Variants in EHBP1 observed in about 807,000 individuals in gnomAD.
EHBP1 encodes EH domain binding protein 1, also known as EH domain-binding protein 1.
A neutral mutation model predicts 144.0 loss-of-function variants in EHBP1; 55 were observed. The ratio of observed to expected loss-of-function variants is 0.38; its 90% CI spans 0.31 to 0.48. The LOEUF (loss-of-function observed/expected upper bound fraction) is 0.48, where lower values mean the gene tolerates loss of function less well. Ranked by LOEUF, EHBP1 falls within the 20% of genes least tolerant of loss-of-function variation. EHBP1 has a pLI of 0.98. For missense variants in EHBP1, 1,200 were observed against 1,364.2 expected (o/e 0.88, Z 1.90); for synonymous variants, 469 against 472.7 (o/e 0.99, Z 0.10).
chr2:62,744,195 A>G (rs532939424), intron 2 of EHBP1, among the ~76,000 whole-genome samples: 2 of 152,232 alleles, frequency 1.3e-5, no homozygotes, highest in African/African-American at 2.4e-5. Context: ...TGTATCATAT[A>G]TAGGGTTACC....
At chr2:63,023,354 G>A (rs2060838856) in intron 19 of EHBP1, among the ~76,000 whole-genome samples, 1 of 152,182 alleles carries the variant, frequency 6.6e-6, no homozygotes, top group Non-Finnish European at 1.5e-5. Flanking sequence ...TTTTACAGCT[G>A]TGTAGCTTTA....
rs562149683 is a variant in EHBP1, at chr2:63,037,413, C to T, written c.3104-122C>T. 6.7e-4 allele frequency: 405 copies of T among 602,644 alleles called. 1 individual carries two copies. The highest frequency in any genetic ancestry group is 2.8e-4 in the Non-Finnish European group (99 of 350,888). 37.3% of individuals were successfully genotyped at this position (602,644 alleles called of 1,614,324 possible). ...ACTTAGACTTTAACCTTCTTATAAG[C>T]AGTTTAATATATAGTATTAGAATAA... On this transcript the variant is annotated intron_variant, in intron 19 of 22. Coordinates refer to ENST00000431489, the MANE Select transcript of EHBP1 (RefSeq NM_001142616.3).
intron 19 of EHBP1, among the ~76,000 whole-genome samples, chr2:63,023,156 CAT>C (rs2153298366): frequency 6.6e-6 from 1 of 152,288 alleles, no homozygotes; most frequent in South Asian, 2.1e-4. Context: ...GCCTGGACAA[CAT>C]AGCAAGACTC....
chr2:62,725,507 C>T (rs1450978345), intron 2 of EHBP1, among the ~76,000 whole-genome samples: 1 of 152,182 alleles, frequency 6.6e-6, no homozygotes, highest in East Asian at 1.9e-4. Flanking sequence ...AGTCTGTGTG[C>T]ACTGTGTGCA....
chr2:62,948,276 C>G lies in EHBP1; in HGVS notation c.1430C>G (p.Ala477Gly). Residue 477 changes from alanine to glycine, a missense_variant, in exon 13 of 23, where the codon GCC becomes GGC. Physicochemically the swap from Ala to Gly is moderately conservative, Grantham distance 60. Around this residue, in one of 6 missense-constraint regions of EHBP1, gnomAD observed 94 missense variants for 143.0 expected, o/e 0.66. Coordinates refer to ENST00000431489, the MANE Select transcript of EHBP1 (RefSeq NM_001142616.3). ...CCTTTGAAGGCATACGATGGATTTG[C>G]CAGCATAGGAATTTCCCGATTATTG... ...ENNKKAYDGF[A>G]SIGISRLLEP... The G allele has an allele frequency of 6.4e-7, 1 of 1,569,786 alleles. No individual in the cohort carries two copies. The highest frequency in any genetic ancestry group is 8.6e-7 in the Non-Finnish European group (1 of 1,157,378).
At chr2:62,960,931 G>A (rs2057971787) in intron 14 of EHBP1, among the ~76,000 whole-genome samples, 2 of 152,120 alleles carry the variant, frequency 1.3e-5, no homozygotes. Flanking sequence ...GTTATGATGT[G>A]TGTATGCCAA....
intron 15 of EHBP1, among the ~76,000 whole-genome samples, chr2:62,986,810 C>T (rs2153219815): frequency 6.6e-6 from 1 of 152,190 alleles, no homozygotes; most frequent in South Asian, 2.1e-4. Flanking sequence ...TAAATGTAAA[C>T]TATTGTTATT....
chr2:62,772,122 CAA>C (rs1491535310), intron 5 of EHBP1: 1 of 126,860 alleles, frequency 7.9e-6, no homozygotes, highest in Non-Finnish European at 1.6e-5. Context: ...AGAAAGAGAG[CAA>C]GAGAGAGAAA....
chr2:62,793,688 C>A (rs996408307), intron 5 of EHBP1, among the ~76,000 whole-genome samples: 3 of 151,972 alleles, frequency 2.0e-5, no homozygotes, highest in African/African-American at 7.2e-5. Context: ...TCTAAATTGG[C>A]AGTGATTCTT....
chr2:62,693,724 C>G (rs1359735729), intron 1 of EHBP1, among the ~76,000 whole-genome samples: 1 of 152,150 alleles, frequency 6.6e-6, no homozygotes, highest in East Asian at 1.9e-4. Flanking sequence ...CATATTCCTT[C>G]TAGTGAATTT....
chr2:62,873,232 C>T (rs2152841121), intron 9 of EHBP1, among the ~76,000 whole-genome samples: 1 of 152,120 alleles, frequency 6.6e-6, no homozygotes, highest in African/African-American at 2.4e-5. Flanking sequence ...GCAAGAACTT[C>T]AAATACTAGA....
chr2:62,950,781 G>A (rs1045532302), intron 13 of EHBP1, among the ~76,000 whole-genome samples: 4 of 152,086 alleles, frequency 2.6e-5, no homozygotes, highest in African/African-American at 9.7e-5. Flanking sequence ...TGCCTCCCAG[G>A]TTCAAGCAAT....
intron 5 of EHBP1, among the ~76,000 whole-genome samples, chr2:62,793,741 TAAAG>T (rs1465906403): frequency 6.6e-6 from 1 of 151,860 alleles, no homozygotes; most frequent in Non-Finnish European, 1.5e-5. Context: ...ATCTACGAAA[TAAAG>T]AAAAGAGAAA....
intron 14 of EHBP1, among the ~76,000 whole-genome samples, chr2:62,960,726 T>G (rs528509443): frequency 6.6e-6 from 1 of 152,098 alleles, no homozygotes; most frequent in East Asian, 1.9e-4. Flanking sequence ...TATAAGGAGG[T>G]TCTTAGTAGG....
chr2:62,947,824 G>A (rs1181358749), intron 12 of EHBP1, among the ~76,000 whole-genome samples: 9 of 152,042 alleles, frequency 5.9e-5, no homozygotes, highest in African/African-American at 1.7e-4. Context: ...GCATTTATTT[G>A]TATTTTATAT....
Position 62,942,747 on chromosome 2 carries a change from G to T in EHBP1, c.1215G>T (p.Gly405=). The change falls in exon 11 of 23, where the codon GGG becomes GGT. Residue 405 remains glycine (G), a synonymous_variant. Transcript: ENST00000431489. ...GCCCTATACCAAGTCCTGTTTTGGG[G>T]CGAAAGCCAAATGCTAGTCAGTCTT... ...KPSPIPSPVL[G]RKPNASQSLL... 6.2e-7 allele frequency: 1 copy of T among 1,609,024 alleles called. No homozygotes were observed. The highest frequency in any genetic ancestry group is 8.5e-7 in the Non-Finnish European group (1 of 1,176,802).
chr2:62,962,386 T>C, intron 14 of EHBP1, among the ~76,000 whole-genome samples: 1 of 152,248 alleles, frequency 6.6e-6, no homozygotes, highest in East Asian at 1.9e-4. Flanking sequence ...CTAATTATTT[T>C]GCATTGGAAT....
intron 5 of EHBP1, chr2:62,772,129 GAGAA>G: frequency 7.1e-6 from 1 of 140,362 alleles, no homozygotes; most frequent in African/African-American, 2.6e-5. Context: ...GAGCAAGAGA[GAGAA>G]AGAAGGAAAG....
At chr2:63,007,663 A>T (rs913663565) in intron 19 of EHBP1, among the ~76,000 whole-genome samples, 2 of 151,778 alleles carry the variant, frequency 1.3e-5, no homozygotes, top group African/African-American at 2.4e-5. Context: ...TGTGCCTAAG[A>T]ATACCAAATA....
Sources: gnomAD v4.1 joint callset for allele counts (sites outside exome capture counted in the v4.1 genomes callset) on GRCh38, gnomAD v4.1.1 for gene constraint, gnomAD v4.1.1 regional missense constraint, MANE v1.5 for transcripts, NCBI Gene and HGNC (gene_info 2026-07-23, HGNC 2026-07-21) for gene names.